ABCA10: variants seen among roughly 807,000 people sequenced by gnomAD.
The protein encoded by ABCA10 is ATP binding cassette subfamily A member 10, also known as ATP-binding cassette sub-family A member 10.
ABCA10 carries 169 observed loss-of-function variants against 187.5 expected under a neutral mutation model. That is an observed-to-expected ratio of 0.90 (90% CI 0.80 to 1.02). The LOEUF (loss-of-function observed/expected upper bound fraction) is 1.02. ABCA10 is among the 50% of genes least tolerant of loss of function. The pLI, the probability that ABCA10 is intolerant of heterozygous loss-of-function variation, is 0.00. For missense variants in ABCA10, 1,727 were observed against 1,812.4 expected, an observed-to-expected ratio of 0.95 and a Z score of 0.86; for synonymous variants, 574 against 601.8, an observed-to-expected ratio of 0.95 and a Z score of 0.68.
Position 69,148,837 on chromosome 17 carries a change from T to C in ABCA10, c.4622A>G (p.Glu1541Gly). ...TTVEWKLLPQ[E>G]DP ...AGGAGGTTCTTCATTTTAAGGGTCT[T>C]CCTGTGGGAGAAGTTTCCATTCAAC... The change falls in exon 39 of 39, where the codon GAA (glutamate) becomes GGA (glycine). Residue 1541 changes from glutamate (E) to glycine (G), a missense_variant. Transcript: ENST00000690296. 6.2e-7 allele frequency: 1 copy of C among 1,612,238 alleles called. No individual in the cohort carries two copies. The highest frequency in any genetic ancestry group is 8.5e-7 in the Non-Finnish European group (1 of 1,179,554).
intron 9 of ABCA10, among the ~76,000 whole-genome samples, chr17:69,202,205 T>G (rs1173750117): frequency 6.6e-6 from 1 of 152,218 alleles, no homozygotes; most frequent in East Asian, 1.9e-4. Flanking sequence ...CAGTTCTAGC[T>G]GTAGGGAATC....
intron 1 of ABCA10, among the ~76,000 whole-genome samples, chr17:69,242,331 T>C (rs982107718): frequency 2.2e-4 from 34 of 152,194 alleles, no homozygotes; most frequent in African/African-American, 8.2e-4. Flanking sequence ...AAAAATTAGA[T>C]AAGGTGAACC....
chr17:69,233,089 T>C (rs753583327), upstream of ABCA10: 1 of 152,126 alleles, frequency 6.6e-6, no homozygotes, highest in Non-Finnish European at 1.5e-5. Flanking sequence ...TTCCAGTTCC[T>C]GTATATTTAT....
At chr17:69,173,330 T>C (rs990784933) in intron 25 of ABCA10, among the ~76,000 whole-genome samples, 1 of 152,140 alleles carries the variant, frequency 6.6e-6, no homozygotes, top group Admixed American at 6.6e-5. Flanking sequence ...TACTGAATTC[T>C]CCAACTGGTT....
intron 9 of ABCA10, among the ~76,000 whole-genome samples, chr17:69,209,811 C>A (rs1005576045): frequency 6.6e-6 from 1 of 152,164 alleles, no homozygotes. Context: ...TCCTAGACTA[C>A]AAACCTGTAC....
intron 19 of ABCA10, among the ~76,000 whole-genome samples, chr17:69,186,414 C>T (rs140129094): frequency 6.6e-6 from 1 of 152,160 alleles, no homozygotes; most frequent in African/African-American, 2.4e-5. Context: ...ATCTTTGCTC[C>T]TAACAAAAAG....
At chr17:69,230,180 G>A (rs542641588), upstream of ABCA10, among the ~76,000 whole-genome samples, 43 of 152,124 alleles carry the variant, frequency 2.8e-4, no homozygotes, top group African/African-American at 9.2e-4. Context: ...TTCCACTGTG[G>A]GATGACCCTC....
rs752738197 is a variant in ABCA10, at chr17:69,185,552, G to C, written c.2422C>G (p.Pro808Ala). 3 of 1,613,412 alleles carry C rather than the reference G, an allele frequency of 1.9e-6. No homozygotes were observed. In the South Asian group the frequency reaches 3.3e-5, roughly 18 times the overall value. ...TRETHCWEFSPSMYFLSLEQI... is the reference protein window; with the variant it reads ...TRETHCWEFSASMYFLSLEQI... ...TCCAGAGAAAGGAAATACATACTGG[G>C]TGAAAACTCCCAACAATGAGTTTCA... The change falls in exon 20 of 39, where the codon CCC (proline) becomes GCC (alanine). Residue 808 changes from proline to alanine, a missense_variant. Pro to Ala is a conservative substitution (Grantham distance 27). Transcript: ENST00000690296.
intron 1 of ABCA10, among the ~76,000 whole-genome samples, chr17:69,235,520 C>T (rs1324411367): frequency 6.6e-6 from 1 of 152,178 alleles, no homozygotes; most frequent in Non-Finnish European, 1.5e-5. Context: ...AAGAGTTCTG[C>T]TCTGGCTTCT....
At chr17:69,212,349 T>C in intron 9 of ABCA10, among the ~76,000 whole-genome samples, 1 of 152,180 alleles carries the variant, frequency 6.6e-6, no homozygotes, top group Admixed American at 6.5e-5. Context: ...CAGTGCTTGA[T>C]ATAATGTTGA....
chr17:69,183,195 C>T (rs957054669), intron 20 of ABCA10, among the ~76,000 whole-genome samples: 2 of 152,096 alleles, frequency 1.3e-5, no homozygotes, highest in Non-Finnish European at 1.5e-5. Context: ...TACCTCATGA[C>T]CCAGGCTTGT....
At chr17:69,244,100 T>C (rs141698235) in intron 1 of ABCA10, among the ~76,000 whole-genome samples, 222 of 152,306 alleles carry the variant, frequency 1.5e-3, no homozygotes, top group African/African-American at 4.9e-3. Context: ...TAGTGTTAAA[T>C]ATCTGAGAGT....
At position 69,193,475 on chromosome 17, in the gene ABCA10, ATATATTTTTTCTCTC is replaced by A. The variant is rs1254290967; in HGVS notation, c.1641+3_1641+17del. ...CCTTCAATCTAAATTAATTGTAAAA[ATATATTTTTTCTCTC>A]ACCTGAGGATCTCCTAAGATGGCAA... On this transcript the variant is annotated splice_donor_5th_base_variant and intron_variant, in intron 14 of 38. Transcript: ENST00000690296. The A allele has an allele frequency of 1.2e-6, 2 of 1,601,252 alleles. No homozygotes were observed. The highest frequency in any genetic ancestry group is 1.7e-6 in the Non-Finnish European group (2 of 1,175,802).
chr17:69,230,218 C>T (rs2074822228), upstream of ABCA10, among the ~76,000 whole-genome samples: 1 of 152,130 alleles, frequency 6.6e-6, no homozygotes, highest in Admixed American at 6.6e-5. Context: ...TGCTCTTGGA[C>T]TTCTCGGCTT....
intron 9 of ABCA10, among the ~76,000 whole-genome samples, chr17:69,212,871 C>T (rs2074671184): frequency 6.6e-6 from 1 of 152,146 alleles, no homozygotes; most frequent in Non-Finnish European, 1.5e-5. Flanking sequence ...TTGAAGACAG[C>T]AGATACTTGG....
intron 25 of ABCA10, 25 bp from the exon 26 acceptor site, chr17:69,165,108 T>A: frequency 6.7e-7 from 1 of 1,491,890 alleles, no homozygotes; most frequent in South Asian, 1.2e-5. Flanking sequence ...AGAAGTATTA[T>A]AATTTTCTCA....
rs183536615 is a variant in ABCA10 at position 69,198,048 on chromosome 17, C to T, written c.1176-926G>A. On this transcript the variant is annotated intron_variant, in intron 10 of 38. Coordinates refer to ENST00000690296, the MANE Select transcript of ABCA10 (RefSeq NM_001377321.1). ...TCTCAGTTAGAATTTCTACTATCTA[C>T]CCAGGAACTCAAGCTAAGAGCCTGA... 1.3e-3 allele frequency among the ~76,000 whole-genome samples: 195 copies of T among 152,286 alleles called. No homozygotes were observed. In the Middle Eastern group the frequency reaches 0.014, roughly 11 times the overall value.
chr17:69,150,018 G>GTGGACA lies in ABCA10; in HGVS notation c.4437_4442dup (p.Val1480_His1481dup), dbSNP rs1568046476. The stretch of plus-strand genomic sequence containing the variant: ...ACTTGAAAAAGGCCCGAGATAGAGG[G>GTGGACA]TGGACATCCTCCACAGGTAACTTAT... On this transcript the variant is annotated inframe_insertion, in exon 37 of 39. Coordinates refer to ENST00000690296, the MANE Select transcript of ABCA10 (RefSeq NM_001377321.1). 1.9e-6 allele frequency: 3 copies of GTGGACA among 1,613,178 alleles called. No homozygotes were observed.
At chr17:69,186,501 T>C (rs2074422431) in intron 19 of ABCA10, among the ~76,000 whole-genome samples, 1 of 152,190 alleles carries the variant, frequency 6.6e-6, no homozygotes, top group Non-Finnish European at 1.5e-5. Context: ...AAAATCAACT[T>C]TCTTCCCGAC....
Sources: allele counts gnomAD v4.1 joint callset (sites outside exome capture counted in the v4.1 genomes callset), GRCh38; gene constraint gnomAD v4.1.1; transcripts MANE v1.5; gene names NCBI Gene and HGNC (gene_info 2026-07-23, HGNC 2026-07-21).